The following FN1 variants were observed in gnomAD, a reference collection of about 807,000 sequenced individuals.
FN1 encodes fibronectin.
A neutral mutation model predicts 297.3 loss-of-function variants in FN1; 106 were observed. That is an observed-to-expected ratio of 0.36 (90% CI 0.30 to 0.42). FN1 has a LOEUF of 0.42. Ranked by LOEUF, FN1 falls within the 10% of genes least tolerant of loss-of-function variation. The probability of loss-of-function intolerance (pLI) is 1.00; values close to 1 mark genes in which losing one functional copy is unlikely to be tolerated. For missense variants in FN1, 2,690 were observed against 3,124.9 expected, an observed-to-expected ratio of 0.86 and a Z score of 3.32; for synonymous variants, 1,149 against 1,152.6, an observed-to-expected ratio of 1.00 and a Z score of 0.06.
In FN1 at chr2:215,362,079, C is replaced by T. The variant is rs200155993; in HGVS notation, c.7252G>A (p.Gly2418Ser). ...CTGCGGCAGTTGTCACAGCGCCAGC[C>T]CTGAGAGAGTAGAGGCATGAAGTCA... ...CSCTCFGGQR[G>S]WRCDNCRRPG... Residue 2418 changes from glycine (G) to serine (S), a missense_variant and splice_region_variant, in exon 45 of 46, where the codon GGC (glycine) becomes AGC (serine). Physicochemically the swap from Gly to Ser is moderately conservative, Grantham distance 56 (BLOSUM62 0). Coordinates refer to ENST00000354785, the MANE Select transcript of FN1 (RefSeq NM_212482.4). The T allele has an allele frequency of 1.9e-6, 3 of 1,612,614 alleles. No homozygotes were observed. The highest frequency in any genetic ancestry group is 2.2e-5 in the East Asian group (1 of 44,848).
intron 5 of FN1, among the ~76,000 whole-genome samples, chr2:215,428,845 T>C (rs947673557): frequency 3.3e-5 from 5 of 152,052 alleles, no homozygotes; most frequent in Non-Finnish European, 7.4e-5. Context: ...CCCCCGTCTC[T>C]ACTAAAAATA....
At chr2:215,369,187 C>G (rs77720583) in intron 41 of FN1, among the ~76,000 whole-genome samples, 1 of 147,850 alleles carries the variant, frequency 6.8e-6, no homozygotes, top group Non-Finnish European at 1.5e-5. Flanking sequence ...AAATTCCATC[C>G]TAACTAAAGT....
chr2:215,394,540 T>C lies in FN1; in HGVS notation c.3784A>G (p.Thr1262Ala). Residue 1262 changes from threonine (T) to alanine (A), a missense_variant, in exon 24 of 46, where the codon ACC becomes GCC. Coordinates refer to ENST00000354785, the MANE Select transcript of FN1 (RefSeq NM_212482.4). ...DDKESVPISD[T>A]IIPEVPQLTD... ...ATTTTTCTATTACCTGGGATGATGG[T>C]ATCAGAGATAGGGACACTTTCCTTG... The C allele has an allele frequency of 2.5e-6, 4 of 1,613,192 alleles. No homozygotes were observed. The highest frequency in any genetic ancestry group is 3.4e-6 in the Non-Finnish European group (4 of 1,179,248).
At chr2:215,424,411 C>T (rs2064976747) in intron 7 of FN1, 86 bp from the exon 8 acceptor site, 1 of 1,101,740 alleles carries the variant, frequency 9.1e-7, no homozygotes, top group Non-Finnish European at 1.4e-6. Flanking sequence ...CAATGAGATA[C>T]TGAGCTTGTG....
intron 4 of FN1, 82 bp downstream of exon 4, chr2:215,431,751 G>T: frequency 1.4e-6 from 2 of 1,391,392 alleles, no homozygotes; most frequent in South Asian, 2.3e-5. Context: ...TCAGGTCTAT[G>T]ACCTATGTAG....
At chr2:215,394,428 CA>C in intron 24 of FN1, 99 bp downstream of exon 24, 5 of 1,076,270 alleles carry the variant, frequency 4.6e-6, no homozygotes, top group Non-Finnish European at 1.4e-6. Context: ...AATTAAATCC[CA>C]AATATAGTTG....
chr2:215,407,027 G>T, intron 18 of FN1, 100 bp downstream of exon 18: 1 of 917,896 alleles, frequency 1.1e-6, no homozygotes, highest in Non-Finnish European at 1.8e-6. Context: ...TAATATATAA[G>T]ATTTCTTGAA....
chr2:215,434,131 A>T (rs2067027280), intron 2 of FN1, among the ~76,000 whole-genome samples: 1 of 152,064 alleles, frequency 6.6e-6, no homozygotes, highest in Admixed American at 6.6e-5. Flanking sequence ...ACAAACAAAC[A>T]ATTCGAAGAT....
At chr2:215,387,618 T>C (rs2059189291) in intron 27 of FN1, among the ~76,000 whole-genome samples, 1 of 152,194 alleles carries the variant, frequency 6.6e-6, no homozygotes, top group South Asian at 2.1e-4. Flanking sequence ...TCCAGCAAAT[T>C]TCTGTTTCAG....
At chr2:215,427,478 A>G (rs1310129859) in intron 6 of FN1, among the ~76,000 whole-genome samples, 3 of 152,238 alleles carry the variant, frequency 2.0e-5, no homozygotes, top group Non-Finnish European at 4.4e-5. Context: ...TTTATGACGT[A>G]AAAATCTTTT....
rs184871749 is a variant in FN1 at position 215,399,346 on chromosome 2, G to A, written c.3259C>T (p.Pro1087Ser). The A allele has an allele frequency of 5.0e-6, 8 of 1,610,020 alleles. No homozygotes were observed. The highest frequency in any genetic ancestry group is 1.3e-5 in the African/African-American group (1 of 74,958). The part of the protein sequence containing the change: ...KATGVFTTLQ[P>S]GSSIPPYNTE... ...TTGTAAGGTGGAATAGAGCTCCCAG[G>A]CTGCACTGTGAGAGAGAATCAATGC... The change falls in exon 21 of 46, where the codon CCT becomes TCT. Residue 1087 changes from proline to serine, a missense_variant. Pro to Ser is a moderately conservative substitution (Grantham distance 74). Transcript: ENST00000354785.
chr2:215,382,203 G>C lies in FN1; in HGVS notation c.5164+9C>G, dbSNP rs757135114. 6.3e-7 allele frequency: 1 copy of C among 1,586,178 alleles called. No individual in the cohort carries two copies. The highest frequency in any genetic ancestry group is 8.7e-7 in the Non-Finnish European group (1 of 1,154,376). ...CTTTGAAAATGGAAACCAAGCAGTG[G>C]TTACGTACTGGTTACTGCAGTCTGA... On this transcript the variant is annotated intron_variant, in intron 32 of 45. Coordinates refer to ENST00000354785, the MANE Select transcript of FN1 (RefSeq NM_212482.4).
In FN1 at chr2:215,404,646, G is replaced by A. The variant is rs1367860350; in HGVS notation, c.2996C>T (p.Ala999Val). Residue 999 changes from alanine (A) to valine (V), a missense_variant, in exon 20 of 46, where the codon GCT becomes GTT. Around this residue, in one of 3 missense-constraint regions of FN1, gnomAD observed 1,743 missense variants for 1,945.2 expected, o/e 0.90. Coordinates refer to ENST00000354785, the MANE Select transcript of FN1 (RefSeq NM_212482.4). ...LTAQQTTKLD[A>V]PTNLQFVNET... ...ATTGACAAACTGGAGGTTAGTGGGA[G>A]CATCCAGTTCTAGGAAAAAAGATGA... 1 of 1,613,256 alleles carries A rather than the reference G, an allele frequency of 6.2e-7. No individual in the cohort carries two copies. The highest frequency in any genetic ancestry group is 8.5e-7 in the Non-Finnish European group (1 of 1,179,314).
chr2:215,433,926 AC>A (rs1460094223), intron 2 of FN1, among the ~76,000 whole-genome samples: 1 of 152,162 alleles, frequency 6.6e-6, no homozygotes, highest in African/African-American at 2.4e-5. Context: ...ATACGGTGAA[AC>A]CCCGTCTCTA....
At chr2:215,378,486 A>G (rs1252011420) in intron 34 of FN1, among the ~76,000 whole-genome samples, 2 of 152,172 alleles carry the variant, frequency 1.3e-5, no homozygotes, top group Non-Finnish European at 2.9e-5. Flanking sequence ...TAAGTAAGCC[A>G]TAGATTATAT....
At chr2:215,386,104 G>T (rs2058943637) in intron 28 of FN1, among the ~76,000 whole-genome samples, 2 of 137,484 alleles carry the variant, frequency 1.5e-5, no homozygotes, top group African/African-American at 2.7e-5. Flanking sequence ...TTGAGACAGG[G>T]TCTTGCTCTG....
intron 6 of FN1, 71 bp downstream of exon 6, chr2:215,428,109 A>G (rs1401056376): frequency 6.4e-7 from 1 of 1,559,084 alleles, no homozygotes; most frequent in Non-Finnish European, 8.8e-7. Flanking sequence ...ATGTCAAAGG[A>G]AAGATGGATT....
At chr2:215,410,189 G>A in intron 13 of FN1, 75 bp from the exon 14 acceptor site, 1 of 1,439,188 alleles carries the variant, frequency 6.9e-7, no homozygotes, top group South Asian at 1.2e-5. Context: ...ATGATGTTCA[G>A]TAATCTTCAA....
At chr2:215,401,919 T>G (rs2061219559) in intron 20 of FN1, among the ~76,000 whole-genome samples, 1 of 150,328 alleles carries the variant, frequency 6.7e-6, no homozygotes, top group Non-Finnish European at 1.5e-5. Flanking sequence ...CTATGTATGT[T>G]ATTATTTTGA....
Sources: gnomAD v4.1 joint callset for allele counts (sites outside exome capture counted in the v4.1 genomes callset) on GRCh38, gnomAD v4.1.1 for gene constraint, gnomAD v4.1.1 regional missense constraint, MANE v1.5 for transcripts, NCBI Gene and HGNC (gene_info 2026-07-23, HGNC 2026-07-21) for gene names.